The following GRIA1 variants were observed in gnomAD, a reference collection of about 807,000 sequenced individuals.
GRIA1 encodes the protein glutamate receptor 1.
A neutral mutation model predicts 99.2 loss-of-function variants in GRIA1; 31 were observed. The ratio of observed to expected loss-of-function variants is 0.31; its 90% CI spans 0.23 to 0.42. The LOEUF (loss-of-function observed/expected upper bound fraction) is 0.42. Ranked by LOEUF, GRIA1 falls within the 10% of genes least tolerant of loss-of-function variation. The probability of loss-of-function intolerance (pLI) is 1.00; values close to 1 mark genes in which losing one functional copy is unlikely to be tolerated. For synonymous variants in GRIA1, 438 were observed against 432.4 expected (o/e 1.01, Z -0.16); for missense variants, 782 against 1,157.5 (o/e 0.68, Z 4.71).
intron 10 of GRIA1, among the ~76,000 whole-genome samples, chr5:153,700,145 G>A (rs915922360): frequency 1.3e-5 from 2 of 152,218 alleles, no homozygotes; most frequent in African/African-American, 4.8e-5. Context: ...AGCACCTTGG[G>A]AGGCCGAGGC....
At position 153,706,319 on chromosome 5, in the gene GRIA1, TG is replaced by T. The variant is rs1319690825; in HGVS notation, c.1823+253del. ...CAAGGTTAATAGGCATAATTATGAC[TG>T]ATGCGTTGTAGCTGAAAGGTACAGA... On this transcript the variant is annotated intron_variant, in intron 11 of 15. Coordinates refer to ENST00000285900, the MANE Select transcript of GRIA1 (RefSeq NM_000827.4). The T allele has an allele frequency of 5.8e-6, 3 of 516,814 alleles. No individual in the cohort carries two copies. The East Asian group carries it at 1.0e-4, about 18-fold the overall frequency. The allele number at this position is 516,814 out of a possible 1,614,324, so 32.0% of individuals were successfully genotyped here.
intron 11 of GRIA1, among the ~76,000 whole-genome samples, chr5:153,760,508 T>C (rs897870422): frequency 6.6e-6 from 1 of 152,016 alleles, no homozygotes; most frequent in Non-Finnish European, 1.5e-5. Context: ...TATAAAACAT[T>C]GATGAAAGAA....
chr5:153,655,931 T>G, intron 5 of GRIA1, 59 bp downstream of exon 5: 2 of 1,429,920 alleles, frequency 1.4e-6, no homozygotes, highest in Non-Finnish European at 2.0e-6. Flanking sequence ...GGCCCTACCT[T>G]GCTTCTGTTG....
chr5:153,745,580 A>ACTC (rs1762093483), intron 11 of GRIA1, among the ~76,000 whole-genome samples: 1 of 140,912 alleles, frequency 7.1e-6, no homozygotes, highest in Non-Finnish European at 1.5e-5. Context: ...CAAAAGCAAA[A>ACTC]CTCTGTCTCA....
intron 13 of GRIA1, among the ~76,000 whole-genome samples, chr5:153,778,450 A>G (rs187552085): frequency 6.6e-6 from 1 of 152,170 alleles, no homozygotes; most frequent in East Asian, 1.9e-4. Context: ...GGCACTCCTA[A>G]GAAGTGATGT....
At chr5:153,749,858 C>T (rs1762399158) in intron 11 of GRIA1, among the ~76,000 whole-genome samples, 1 of 151,986 alleles carries the variant, frequency 6.6e-6, no homozygotes, top group African/African-American at 2.4e-5. Flanking sequence ...AAAATAGGAA[C>T]AAAGGACGAT....
intron 14 of GRIA1, among the ~76,000 whole-genome samples, chr5:153,800,000 G>A (rs921195646): frequency 5.3e-5 from 8 of 152,140 alleles, no homozygotes; most frequent in Non-Finnish European, 1.0e-4. Context: ...GATAATAACA[G>A]AAAAAGATGC....
chr5:153,606,095 A>C (rs1225944260), intron 2 of GRIA1, among the ~76,000 whole-genome samples: 1 of 152,166 alleles, frequency 6.6e-6, no homozygotes, highest in East Asian at 1.9e-4. Context: ...TTAATGATCC[A>C]TCTGGTACTG....
At chr5:153,784,390 A>G (rs1764836691) in intron 13 of GRIA1, among the ~76,000 whole-genome samples, 1 of 127,250 alleles carries the variant, frequency 7.9e-6, no homozygotes, top group Non-Finnish European at 1.6e-5. Context: ...AGCACTCTGT[A>G]TATATCATTT....
chr5:153,650,462 G>T lies in GRIA1; in HGVS notation c.593G>T (p.Arg198Leu). ...CAGGACCTGGAGAAGAAAAAGGAGCGGCTGGTGGTGGTGGACTGTGAATCA... is the reference window on the plus strand; with the variant it reads ...CAGGACCTGGAGAAGAAAAAGGAGCTGCTGGTGGTGGTGGACTGTGAATCA... ...LFQDLEKKKE[R>L]LVVVDCESER... The change falls in exon 4 of 16, where the codon CGG becomes CTG. Residue 198 changes from arginine (R) to leucine (L), a missense_variant. Coordinates refer to ENST00000285900, the MANE Select transcript of GRIA1 (RefSeq NM_000827.4). 1 of 1,613,976 alleles carries T rather than the reference G, an allele frequency of 6.2e-7. No individual in the cohort carries two copies. The highest frequency in any genetic ancestry group is 8.5e-7 in the Non-Finnish European group (1 of 1,179,942).
chr5:153,609,191 G>A (rs1200671514), intron 2 of GRIA1, among the ~76,000 whole-genome samples: 1 of 152,086 alleles, frequency 6.6e-6, no homozygotes, highest in East Asian at 1.9e-4. Context: ...ATATCCCCAA[G>A]GTGCAAGCAG....
At chr5:153,794,789 G>A in intron 14 of GRIA1, 54 bp downstream of exon 14, 1 of 1,037,878 alleles carries the variant, frequency 9.6e-7, no homozygotes, top group Non-Finnish European at 1.5e-6. Context: ...AGCATGGCTG[G>A]TAACCAGCAA....
At chr5:153,772,754 G>C (rs902132568) in intron 13 of GRIA1, among the ~76,000 whole-genome samples, 2 of 152,164 alleles carry the variant, frequency 1.3e-5, no homozygotes, top group African/African-American at 4.8e-5. Context: ...TTTTATCTCA[G>C]AAACTTATTG....
intron 2 of GRIA1, among the ~76,000 whole-genome samples, chr5:153,500,766 T>C (rs1754939224): frequency 6.6e-6 from 1 of 151,626 alleles, no homozygotes; most frequent in African/African-American, 2.4e-5. Context: ...AAAATATATA[T>C]GTATATATTT....
intron 2 of GRIA1, among the ~76,000 whole-genome samples, chr5:153,547,646 T>C (rs1759727997): frequency 6.6e-6 from 1 of 152,200 alleles, no homozygotes; most frequent in South Asian, 2.1e-4. Flanking sequence ...AGTACTTTGG[T>C]TGAAACTTTC....
intron 2 of GRIA1, among the ~76,000 whole-genome samples, chr5:153,638,169 AC>A (rs924934508): frequency 1.3e-5 from 2 of 152,156 alleles, no homozygotes; most frequent in Non-Finnish European, 2.9e-5. Context: ...CATTATGGGA[AC>A]CCTTCAAAGG....
chr5:153,600,449 T>C (rs1041939241), intron 2 of GRIA1, among the ~76,000 whole-genome samples: 1 of 133,776 alleles, frequency 7.5e-6, no homozygotes, highest in Non-Finnish European at 1.6e-5. Context: ...TTTCAATCAG[T>C]AGAAAAAGAG....
At chr5:153,797,311 T>C (rs1765710088) in intron 14 of GRIA1, among the ~76,000 whole-genome samples, 2 of 152,192 alleles carry the variant, frequency 1.3e-5, no homozygotes, top group African/African-American at 4.8e-5. Context: ...ATACAACAGT[T>C]ATCCATATCA....
chr5:153,664,627 A>G (rs1755615097), intron 5 of GRIA1, among the ~76,000 whole-genome samples: 1 of 151,820 alleles, frequency 6.6e-6, no homozygotes, highest in South Asian at 2.1e-4. Flanking sequence ...GGCCTTTCTC[A>G]CTAGACCTTA....
Sources: gnomAD v4.1 joint callset for allele counts (sites outside exome capture counted in the v4.1 genomes callset) on GRCh38, gnomAD v4.1.1 for gene constraint, MANE v1.5 for transcripts, NCBI Gene and HGNC (gene_info 2026-07-23, HGNC 2026-07-21) for gene names.